SPAG16: variants seen among roughly 807,000 people sequenced by gnomAD.
SPAG16 encodes the protein sperm associated antigen 16.
SPAG16 carries 86 observed loss-of-function variants against 80.4 expected under a neutral mutation model. The observed-to-expected ratio is 1.07, with a 90% confidence interval of 0.90 to 1.28. SPAG16 has a LOEUF of 1.28. Among genes scored for constraint, SPAG16 ranks in the 50% most tolerant of loss-of-function variants. The probability of loss-of-function intolerance (pLI) is 0.00; values close to 1 mark genes in which losing one functional copy is unlikely to be tolerated. For missense variants in SPAG16, 870 were observed against 765.3 expected (o/e 1.14, Z -1.61); for synonymous variants, 294 against 265.9 (o/e 1.11, Z -1.03).
At chr2:213,649,329 A>C (rs2062939982) in intron 10 of SPAG16, among the ~76,000 whole-genome samples, 2 of 152,208 alleles carry the variant, frequency 1.3e-5, no homozygotes, top group Non-Finnish European at 2.9e-5. Flanking sequence ...AACTGGAAAG[A>C]TAGGTCTGTG....
At chr2:213,833,521 A>T (rs757917278) in intron 10 of SPAG16, among the ~76,000 whole-genome samples, 618 of 1,862 alleles carry the variant, frequency 0.33, 209 homozygotes, top group Middle Eastern at 0.67. Context: ...TAATATATAT[A>T]ATATATATAT....
chr2:213,406,863 G>C (rs1427787777), intron 9 of SPAG16, among the ~76,000 whole-genome samples: 1 of 151,458 alleles, frequency 6.6e-6, no homozygotes, highest in Non-Finnish European at 1.5e-5. Flanking sequence ...GCCCTAGTGT[G>C]GTGGCCTCAG....
intron 15 of SPAG16, among the ~76,000 whole-genome samples, chr2:214,368,162 A>C (rs1359252519): frequency 6.6e-6 from 1 of 152,078 alleles, no homozygotes; most frequent in Non-Finnish European, 1.5e-5. Context: ...TCATTAGCAT[A>C]TTTTTGAAAT....
At chr2:214,254,116 T>A (rs1559158156) in intron 15 of SPAG16, among the ~76,000 whole-genome samples, 3 of 152,040 alleles carry the variant, frequency 2.0e-5, no homozygotes, top group African/African-American at 7.2e-5. Context: ...TATTGGTGTC[T>A]GGTTTTGCAC....
chr2:213,778,643 TTC>T (rs2069750489), intron 10 of SPAG16, among the ~76,000 whole-genome samples: 1 of 152,130 alleles, frequency 6.6e-6, no homozygotes, highest in Non-Finnish European at 1.5e-5. Context: ...TTTTCTTCTT[TTC>T]CATGGTATAT....
intron 12 of SPAG16, among the ~76,000 whole-genome samples, chr2:213,997,758 G>A (rs6745002): frequency 0.45 from 69,132 of 152,014 alleles, 16,630 homozygotes; most frequent in South Asian, 0.65. Flanking sequence ...AAAATTGCCA[G>A]TCTCATAATG....
chr2:213,795,000 T>C (rs933804186), intron 10 of SPAG16, among the ~76,000 whole-genome samples: 2 of 152,138 alleles, frequency 1.3e-5, no homozygotes, highest in Non-Finnish European at 2.9e-5. Context: ...ATGCATTCTC[T>C]GAACATGTAG....
chr2:213,717,108 C>T (rs1440225196), intron 10 of SPAG16, among the ~76,000 whole-genome samples: 1 of 151,650 alleles, frequency 6.6e-6, no homozygotes. Context: ...CTTCTTTCTG[C>T]TGTACTCGCT....
intron 10 of SPAG16, among the ~76,000 whole-genome samples, chr2:213,728,421 C>T (rs1365692900): frequency 6.6e-6 from 1 of 152,116 alleles, no homozygotes; most frequent in African/African-American, 2.4e-5. Flanking sequence ...AGAACTCAAT[C>T]ATATGCTGTA....
At chr2:213,516,313 A>G (rs949980691) in intron 10 of SPAG16, among the ~76,000 whole-genome samples, 3 of 152,180 alleles carry the variant, frequency 2.0e-5, no homozygotes, top group Non-Finnish European at 4.4e-5. Context: ...CTGAGGTCCA[A>G]TCATTTCTTC....
At chr2:213,553,235 A>C (rs2076839057) in intron 10 of SPAG16, among the ~76,000 whole-genome samples, 1 of 152,162 alleles carries the variant, frequency 6.6e-6, no homozygotes, top group Non-Finnish European at 1.5e-5. Flanking sequence ...ACTATTTACA[A>C]ACCAAAATAC....
chr2:214,033,311 T>C (rs1345368651), intron 13 of SPAG16, among the ~76,000 whole-genome samples: 1 of 152,198 alleles, frequency 6.6e-6, no homozygotes, highest in African/African-American at 2.4e-5. Flanking sequence ...AGTTTTGTGG[T>C]TGAAAAACAT....
At chr2:213,860,941 T>C (rs571454446) in intron 10 of SPAG16, among the ~76,000 whole-genome samples, 1 of 152,336 alleles carries the variant, frequency 6.6e-6, no homozygotes, top group Non-Finnish European at 1.5e-5. Flanking sequence ...TTCATTTTAA[T>C]CTGACATTTT....
At position 213,973,160 on chromosome 2, in the gene SPAG16, A is replaced by G. The variant is rs75265340; in HGVS notation, c.1401-40791A>G. Reference sequence around the variant, plus strand: ...TTAAGGTTTTCTTGGGTCTTTTTTGAGCATGCATCCTATCCTAGTCATGTT... The same window carrying G: ...TTAAGGTTTTCTTGGGTCTTTTTTGGGCATGCATCCTATCCTAGTCATGTT... On this transcript the variant is annotated intron_variant, in intron 12 of 15. Coordinates refer to ENST00000331683, the MANE Select transcript of SPAG16 (RefSeq NM_024532.5). Among the ~76,000 whole-genome samples, 6 of 152,226 alleles carry G rather than the reference A, an allele frequency of 3.9e-5. No individual in the cohort carries two copies. In the East Asian group the frequency reaches 1.2e-3, roughly 29 times the overall value.
chr2:213,526,277 C>A (rs905581051), intron 10 of SPAG16, among the ~76,000 whole-genome samples: 2 of 152,128 alleles, frequency 1.3e-5, no homozygotes, highest in East Asian at 3.9e-4. Flanking sequence ...AGTATTTACA[C>A]AATATGACTA....
intron 15 of SPAG16, among the ~76,000 whole-genome samples, chr2:214,248,731 A>C (rs1690037564): frequency 6.6e-6 from 1 of 152,184 alleles, no homozygotes; most frequent in African/African-American, 2.4e-5. Context: ...ATGAACAAAT[A>C]AGTATATAAA....
chr2:213,736,984 G>A (rs753498981), intron 10 of SPAG16, among the ~76,000 whole-genome samples: 7 of 152,186 alleles, frequency 4.6e-5, no homozygotes, highest in Non-Finnish European at 1.0e-4. Flanking sequence ...GGGATTACAG[G>A]CGTCAGCCAC....
chr2:213,382,949 G>A (rs2067248280), intron 9 of SPAG16, among the ~76,000 whole-genome samples: 2 of 152,122 alleles, frequency 1.3e-5, no homozygotes, highest in Non-Finnish European at 2.9e-5. Context: ...ACAGATGGGA[G>A]GAGAGAATAA....
intron 12 of SPAG16, among the ~76,000 whole-genome samples, chr2:213,964,225 C>A (rs1002796861): frequency 6.6e-6 from 1 of 151,972 alleles, no homozygotes; most frequent in Non-Finnish European, 1.5e-5. Flanking sequence ...TATATGCATA[C>A]TATTTTATAT....
Sources: allele counts gnomAD v4.1 joint callset (sites outside exome capture counted in the v4.1 genomes callset), GRCh38; gene constraint gnomAD v4.1.1; transcripts MANE v1.5; gene names NCBI Gene and HGNC (gene_info 2026-07-23, HGNC 2026-07-21).